FRAS1: variants seen among roughly 807,000 people sequenced by gnomAD.
The protein encoded by FRAS1 is extracellular matrix organizing protein FRAS1.
Under a neutral mutation model 435.2 loss-of-function variants are expected in FRAS1, and 290 were observed. The ratio of observed to expected loss-of-function variants is 0.67; its 90% CI spans 0.61 to 0.73. The LOEUF (loss-of-function observed/expected upper bound fraction) is 0.73. FRAS1 is among the 30% of genes least tolerant of loss of function. The pLI, the probability that FRAS1 is intolerant of heterozygous loss-of-function variation, is 0.00. For synonymous variants in FRAS1, 1,800 were observed against 1,851.0 expected, an observed-to-expected ratio of 0.97 and a Z score of 0.71; for missense variants, 4,860 against 5,001.5, an observed-to-expected ratio of 0.97 and a Z score of 0.85.
At chr4:78,253,333 G>A (rs987100152) in intron 5 of FRAS1, among the ~76,000 whole-genome samples, 1 of 152,048 alleles carries the variant, frequency 6.6e-6, no homozygotes, top group African/African-American at 2.4e-5. Flanking sequence ...CTTTTTCAAG[G>A]TGTACTGATT....
At position 78,317,408 on chromosome 4, in the gene FRAS1, C is replaced by T. The variant is rs760338845; in HGVS notation, c.1860C>T (p.Pro620=). Residue 620 remains proline (P), a synonymous_variant, in exon 17 of 74, where the codon CCC becomes CCT. Coordinates refer to ENST00000512123, the MANE Select transcript of FRAS1 (RefSeq NM_025074.7). ...NSCASCSGPT[P]SHCTACSPPK... ...GTGCCAGCTGCTCTGGGCCCACACC[C>T]TCTCACTGTACAGCCTGCAGCCCCC... 1.9e-6 allele frequency: 3 copies of T among 1,613,802 alleles called. No homozygotes were observed. In the South Asian group the frequency reaches 3.3e-5, roughly 18 times the overall value.
intron 3 of FRAS1, among the ~76,000 whole-genome samples, chr4:78,238,709 G>A (rs1396700075): frequency 6.6e-6 from 1 of 152,162 alleles, no homozygotes; most frequent in Non-Finnish European, 1.5e-5. Flanking sequence ...TGCTAAGCAA[G>A]TCATGTCAGA....
At chr4:78,222,425 T>G (rs1039874144) in intron 2 of FRAS1, among the ~76,000 whole-genome samples, 1 of 152,154 alleles carries the variant, frequency 6.6e-6, no homozygotes, top group Non-Finnish European at 1.5e-5. Flanking sequence ...TAACCACTAG[T>G]CGGGCTTTGC....
chr4:78,085,997 T>A (rs1741139087), intron 2 of FRAS1, among the ~76,000 whole-genome samples: 1 of 152,146 alleles, frequency 6.6e-6, no homozygotes, highest in African/African-American at 2.4e-5. Context: ...ACACCACACC[T>A]ATTCCAAAAT....
intron 14 of FRAS1, among the ~76,000 whole-genome samples, chr4:78,287,702 G>A (rs567289262): frequency 7.2e-5 from 11 of 152,330 alleles, no homozygotes; most frequent in South Asian, 2.1e-4. Flanking sequence ...TTAATCAGAT[G>A]TGCAGGCTAA....
intron 18 of FRAS1, among the ~76,000 whole-genome samples, chr4:78,328,744 T>TA (rs1163111422): frequency 6.6e-6 from 1 of 152,184 alleles, no homozygotes. Context: ...GCAGTAATTT[T>TA]AAAAAATGAC....
At chr4:78,266,310 A>G (rs1029062081) in intron 7 of FRAS1, among the ~76,000 whole-genome samples, 1 of 152,174 alleles carries the variant, frequency 6.6e-6, no homozygotes, top group African/African-American at 2.4e-5. Flanking sequence ...ATCCTCACAC[A>G]GCTATTACTA....
intron 9 of FRAS1, among the ~76,000 whole-genome samples, chr4:78,268,724 A>T (rs976098116): frequency 1.3e-5 from 2 of 152,186 alleles, no homozygotes; most frequent in East Asian, 3.8e-4. Flanking sequence ...TATCCCTAGC[A>T]TTTCTGCATT....
At chr4:78,436,099 A>G (rs6837371) in intron 38 of FRAS1, among the ~76,000 whole-genome samples, 3,978 of 152,298 alleles carry the variant, frequency 0.026, 174 homozygotes, top group African/African-American at 0.091. Flanking sequence ...CCAGTTACAA[A>G]TGGGAAAACG....
In FRAS1 at chr4:78,245,307, T is replaced by C. The variant is rs1725182418; in HGVS notation, c.291T>C (p.His97=). 1 of 1,605,290 alleles carries C rather than the reference T, an allele frequency of 6.2e-7. No individual in the cohort carries two copies. Among genetic ancestry groups the C allele is most frequent in the South Asian group, 1.1e-5 (1 of 89,124 alleles). ...TGAGGACTCCAGGATCTTGCCATCA[T>C]GAAAAGAAAATCCATGAGGTAAGTG... is the stretch of plus-strand genomic sequence containing the variant. ...CVLRTPGSCH[H]EKKIHEHGTE... Residue 97 remains histidine, a synonymous_variant, in exon 4 of 74, where the codon CAT becomes CAC. Coordinates refer to ENST00000512123, the MANE Select transcript of FRAS1 (RefSeq NM_025074.7).
At chr4:78,244,856 A>C (rs1270058395) in intron 3 of FRAS1, among the ~76,000 whole-genome samples, 2 of 152,210 alleles carry the variant, frequency 1.3e-5, no homozygotes, top group African/African-American at 4.8e-5. Context: ...GATACCAGAC[A>C]GCTGGAAGAC....
At chr4:78,392,221 T>G (rs373805189) in intron 29 of FRAS1, among the ~76,000 whole-genome samples, 1 of 152,122 alleles carries the variant, frequency 6.6e-6, no homozygotes, top group African/African-American at 2.4e-5. Flanking sequence ...CCCCACATGA[T>G]TTTTTCCACA....
At chr4:78,084,874 A>G (rs1038949664) in intron 2 of FRAS1, among the ~76,000 whole-genome samples, 20 of 152,266 alleles carry the variant, frequency 1.3e-4, no homozygotes, top group Admixed American at 1.1e-3. Flanking sequence ...CCTTTTAAAG[A>G]GAAAATGAAG....
chr4:78,235,132 C>T (rs1724693431), intron 2 of FRAS1, among the ~76,000 whole-genome samples: 1 of 152,160 alleles, frequency 6.6e-6, no homozygotes, highest in Non-Finnish European at 1.5e-5. Flanking sequence ...AGGTCACTAA[C>T]TGATTGGATG....
chr4:78,119,389 A>G (rs1718881750), intron 2 of FRAS1, among the ~76,000 whole-genome samples: 1 of 152,096 alleles, frequency 6.6e-6, no homozygotes, highest in Non-Finnish European at 1.5e-5. Flanking sequence ...TTTGACTTCT[A>G]TGAGATAAAC....
chr4:78,454,292 A>G (rs1719119436), intron 47 of FRAS1, among the ~76,000 whole-genome samples: 1 of 152,198 alleles, frequency 6.6e-6, no homozygotes, highest in Non-Finnish European at 1.5e-5. Context: ...TGGCTGCAGC[A>G]GAGTGAATGA....
chr4:78,282,095 A>T (rs1459908935), intron 11 of FRAS1, among the ~76,000 whole-genome samples: 1 of 152,202 alleles, frequency 6.6e-6, no homozygotes, highest in African/African-American at 2.4e-5. Flanking sequence ...TAAAATTGTT[A>T]CTTTAAAATC....
chr4:78,080,430 AC>A (rs1341153215), intron 2 of FRAS1, among the ~76,000 whole-genome samples: 1 of 152,166 alleles, frequency 6.6e-6, no homozygotes, highest in African/African-American at 2.4e-5. Flanking sequence ...TTTCTTTGTA[AC>A]TGTATAGACT....
intron 14 of FRAS1, among the ~76,000 whole-genome samples, chr4:78,305,901 C>G (rs1425918779): frequency 6.6e-6 from 1 of 151,108 alleles, no homozygotes; most frequent in Non-Finnish European, 1.5e-5. Flanking sequence ...TTGATCCTGT[C>G]ATTATGATGT....
Sources: gnomAD v4.1 joint callset for allele counts (sites outside exome capture counted in the v4.1 genomes callset) on GRCh38, gnomAD v4.1.1 for gene constraint, MANE v1.5 for transcripts, NCBI Gene and HGNC (gene_info 2026-07-23, HGNC 2026-07-21) for gene names.